The following MEGF11 variants were observed in gnomAD, a reference collection of about 807,000 sequenced individuals.
MEGF11 encodes multiple EGF like domains 11, also known as multiple epidermal growth factor-like domains protein 11.
Under a neutral mutation model 146.6 loss-of-function variants are expected in MEGF11, and 126 were observed. The observed-to-expected ratio is 0.86, with a 90% CI of 0.74 to 1.00. MEGF11 has a LOEUF of 1.00. Among genes scored for constraint, MEGF11 ranks in the 50% least tolerant of loss-of-function variants. The probability of loss-of-function intolerance (pLI) is 0.00; values close to 1 mark genes in which losing one functional copy is unlikely to be tolerated. For synonymous variants in MEGF11, 532 were observed against 583.4 expected, an observed-to-expected ratio of 0.91 and a Z score of 1.27; for missense variants, 1,509 against 1,521.2, an observed-to-expected ratio of 0.99 and a Z score of 0.13.
At chr15:66,207,945 G>A (rs981494523) in intron 1 of MEGF11, among the ~76,000 whole-genome samples, 1 of 152,060 alleles carries the variant, frequency 6.6e-6, no homozygotes, top group Non-Finnish European at 1.5e-5. Context: ...AATTAGCCAG[G>A]TGTGGTAGTA....
chr15:66,097,549 C>T (rs2140717458), intron 4 of MEGF11, among the ~76,000 whole-genome samples: 1 of 152,262 alleles, frequency 6.6e-6, no homozygotes, highest in East Asian at 1.9e-4. Context: ...TCCCTCTTCA[C>T]ACTGCTGCAC....
At chr15:65,964,277 C>G (rs2080977175) in intron 9 of MEGF11, among the ~76,000 whole-genome samples, 1 of 152,188 alleles carries the variant, frequency 6.6e-6, no homozygotes, top group African/African-American at 2.4e-5. Context: ...GTCCCCAAGC[C>G]ACAAACGACA....
At chr15:65,929,599 C>T in intron 12 of MEGF11, 121 bp downstream of exon 12, 1 of 1,218,804 alleles carries the variant, frequency 8.2e-7, no homozygotes, top group Non-Finnish European at 1.1e-6. Flanking sequence ...GACCTAAATC[C>T]AAGTGTCCCA....
At chr15:66,018,304 T>G (rs1750152686) in intron 5 of MEGF11, among the ~76,000 whole-genome samples, 2 of 152,180 alleles carry the variant, frequency 1.3e-5, no homozygotes, top group South Asian at 4.1e-4. Context: ...CCTGCCCATT[T>G]GGGAGAGTCC....
chr15:65,949,920 G>T lies in MEGF11; in HGVS notation c.1287+7627C>A, dbSNP rs1227171620. On this transcript the variant is annotated intron_variant, in intron 10 of 25. Coordinates refer to ENST00000395614, the MANE Select transcript of MEGF11 (RefSeq NM_001385028.1). Reference sequence around the variant, plus strand: ...GCCGAGAAATCAGCCTTCTTCCCCCGTGTGAGCAGGAAGTCTATTCTCGGT... The same window carrying T: ...GCCGAGAAATCAGCCTTCTTCCCCCTTGTGAGCAGGAAGTCTATTCTCGGT... Among the ~76,000 whole-genome samples, 11 of 152,268 alleles carry T rather than the reference G, an allele frequency of 7.2e-5. No homozygotes were observed. In the South Asian group the frequency reaches 2.1e-3, roughly 29 times the overall value.
chr15:66,188,671 G>T (rs1414205762), intron 1 of MEGF11, among the ~76,000 whole-genome samples: 2 of 152,168 alleles, frequency 1.3e-5, no homozygotes, highest in African/African-American at 4.8e-5. Flanking sequence ...CCTGAACCCA[G>T]TATGCAGACT....
intron 14 of MEGF11, 131 bp from the exon 15 acceptor site, chr15:65,922,603 T>C: frequency 7.3e-7 from 1 of 1,368,366 alleles, no homozygotes; most frequent in East Asian, 2.5e-5. Context: ...GGCGCATCCC[T>C]TTCTGCAGAG....
At chr15:66,231,431 C>G (rs11631331) in intron 1 of MEGF11, among the ~76,000 whole-genome samples, 39,449 of 151,172 alleles carry the variant, frequency 0.26, 6,036 homozygotes, top group Non-Finnish European at 0.36. Flanking sequence ...TCAAAGATGC[C>G]AAGAAGGCAC....
rs548543089 is a variant in MEGF11, at chr15:66,134,018, G to A, written c.-8-5607C>T. On this transcript the variant is annotated intron_variant, in intron 1 of 25. Coordinates refer to ENST00000395614, the MANE Select transcript of MEGF11 (RefSeq NM_001385028.1). Reference sequence around the variant, plus strand: ...ATAAATTCTGCTTTCTCCTTGCCTGGGAAGCCTCGGGCTGCAAATCCTGAA... The same window carrying A: ...ATAAATTCTGCTTTCTCCTTGCCTGAGAAGCCTCGGGCTGCAAATCCTGAA... Among the ~76,000 whole-genome samples the A allele has an allele frequency of 2.0e-5, 3 of 152,210 alleles. No homozygotes were observed. In the East Asian group the frequency reaches 5.8e-4, roughly 29 times the overall value.
At chr15:66,105,309 GA>G (rs1459647172) in intron 4 of MEGF11, among the ~76,000 whole-genome samples, 2 of 152,206 alleles carry the variant, frequency 1.3e-5, no homozygotes, top group Non-Finnish European at 2.9e-5. Flanking sequence ...GAGAGAGACA[GA>G]AAAGGGAGAA....
At chr15:65,966,684 G>C (rs1305423727) in intron 8 of MEGF11, among the ~76,000 whole-genome samples, 1 of 152,156 alleles carries the variant, frequency 6.6e-6, no homozygotes, top group African/African-American at 2.4e-5. Flanking sequence ...TAAGGAGGAA[G>C]CCTGGGACCA....
chr15:66,205,917 A>T (rs1424738144), intron 1 of MEGF11, among the ~76,000 whole-genome samples: 4 of 152,228 alleles, frequency 2.6e-5, no homozygotes, highest in Admixed American at 6.5e-5. Context: ...CATACCAAAA[A>T]CCAGGAGAAT....
chr15:66,232,201 G>A (rs62009958), intron 1 of MEGF11, among the ~76,000 whole-genome samples: 69,968 of 152,048 alleles, frequency 0.46, 17,059 homozygotes, highest in East Asian at 0.68. Flanking sequence ...GGTGGCCCTG[G>A]GGCAGCCAGC....
intron 1 of MEGF11, among the ~76,000 whole-genome samples, chr15:66,194,948 CAGGCT>C (rs2090973272): frequency 3.3e-5 from 5 of 152,116 alleles, no homozygotes; most frequent in African/African-American, 7.2e-5. Context: ...TCTTGCCAAC[CAGGCT>C]AAGCCTGGGT....
At chr15:66,094,347 C>T (rs1196635670) in intron 5 of MEGF11, 55 bp downstream of exon 5, 5 of 1,456,292 alleles carry the variant, frequency 3.4e-6, no homozygotes, top group Non-Finnish European at 4.7e-6. Context: ...CCACAACCCA[C>T]TCCCCTACCA....
intron 5 of MEGF11, among the ~76,000 whole-genome samples, chr15:66,035,143 T>G (rs893486151): frequency 6.6e-6 from 1 of 152,186 alleles, no homozygotes; most frequent in African/African-American, 2.4e-5. Context: ...TGTTGTGTAG[T>G]TTAAATGAGC....
chr15:66,033,683 C>T (rs113967087), intron 5 of MEGF11, among the ~76,000 whole-genome samples: 1,702 of 152,324 alleles, frequency 0.011, 43 homozygotes, highest in African/African-American at 0.038. Context: ...GCCCAACCCC[C>T]ACACCAGTGT....
At chr15:66,180,612 C>T (rs1397378044) in intron 1 of MEGF11, among the ~76,000 whole-genome samples, 1 of 147,890 alleles carries the variant, frequency 6.8e-6, no homozygotes, top group Non-Finnish European at 1.5e-5. Flanking sequence ...ACCAGGCTCT[C>T]TCTGGCAGAA....
At chr15:66,231,310 G>T (rs1336108392) in intron 1 of MEGF11, among the ~76,000 whole-genome samples, 2 of 151,878 alleles carry the variant, frequency 1.3e-5, no homozygotes, top group East Asian at 3.9e-4. Context: ...TGCTGCAGAT[G>T]AACCCCCCTG....
Sources: allele counts gnomAD v4.1 joint callset (sites outside exome capture counted in the v4.1 genomes callset), GRCh38; gene constraint gnomAD v4.1.1; transcripts MANE v1.5; gene names NCBI Gene and HGNC (gene_info 2026-07-23, HGNC 2026-07-21).